TBC1D5: variants seen among roughly 807,000 people sequenced by gnomAD.
The protein encoded by TBC1D5 is TBC1 domain family member 5, also known as TBC1 domain family, member 5.
In TBC1D5, 75 loss-of-function variants were observed where a neutral mutation model predicts 100.3. That is an observed-to-expected ratio of 0.75 (90% CI 0.62 to 0.91). The LOEUF (loss-of-function observed/expected upper bound fraction) is 0.91, where lower values mean the gene tolerates loss of function less well. Ranked by LOEUF, TBC1D5 falls within the 40% of genes least tolerant of loss-of-function variation. The pLI is 0.00. For missense variants in TBC1D5, 910 were observed against 942.4 expected (o/e 0.97, Z 0.45); for synonymous variants, 323 against 325.6 (o/e 0.99, Z 0.09).
chr3:17,549,507 T>C (rs967661533), intron 2 of TBC1D5, among the ~76,000 whole-genome samples: 1 of 152,124 alleles, frequency 6.6e-6, no homozygotes, highest in African/African-American at 2.4e-5. Context: ...TGAATAAAAA[T>C]GGAGACATTA....
rs184710121 is a variant in TBC1D5 at position 17,400,348 on chromosome 3, T to C, written c.509+2833A>G. On this transcript the variant is annotated intron_variant, in intron 8 of 21. Coordinates refer to ENST00000253692, the Ensembl canonical transcript of TBC1D5. ...TGAAAATCATATATTTTAGATCATA[T>C]AGTACCTTATAAAGATGTAAACTAA... Among the ~76,000 whole-genome samples, 199 of 152,290 alleles carry C rather than the reference T, an allele frequency of 1.3e-3. 3 individuals are homozygous for C. The highest frequency in any genetic ancestry group is 6.2e-3 in the South Asian group (30 of 4,828).
chr3:17,244,355 G>A (rs2076551192), intron 16 of TBC1D5, among the ~76,000 whole-genome samples: 1 of 152,110 alleles, frequency 6.6e-6, no homozygotes, highest in Non-Finnish European at 1.5e-5. Context: ...CCAAATAAGA[G>A]GCTTGTATAC....
chr3:17,704,701 G>A (rs1262577111), intron 1 of TBC1D5, among the ~76,000 whole-genome samples: 1 of 55,288 alleles, frequency 1.8e-5, no homozygotes, highest in African/African-American at 6.1e-5. Flanking sequence ...GCGGGGGGCC[G>A]ACCCCCCCAC....
intron 16 of TBC1D5, 49 bp from the exon 17 acceptor site, chr3:17,238,468 C>A: frequency 1.9e-6 from 3 of 1,559,158 alleles, no homozygotes; most frequent in African/African-American, 1.4e-5. Flanking sequence ...GAGGATGATT[C>A]TATTTCACAT....
At chr3:17,283,052 C>T (rs1016501895) in intron 15 of TBC1D5, among the ~76,000 whole-genome samples, 1 of 152,236 alleles carries the variant, frequency 6.6e-6, no homozygotes, top group Non-Finnish European at 1.5e-5. Flanking sequence ...TCTACTTCCT[C>T]TGTTTTCTCA....
intron 12 of TBC1D5, among the ~76,000 whole-genome samples, chr3:17,373,396 T>C (rs2092562969): frequency 6.6e-6 from 1 of 152,158 alleles, no homozygotes; most frequent in Non-Finnish European, 1.5e-5. Flanking sequence ...ACAGTATCCA[T>C]TGCCAGAAGA....
At chr3:17,719,224 T>C (rs994431062) in intron 1 of TBC1D5, among the ~76,000 whole-genome samples, 1 of 152,186 alleles carries the variant, frequency 6.6e-6, no homozygotes, top group Non-Finnish European at 1.5e-5. Flanking sequence ...CTGGTCACCA[T>C]ACACACTGAC....
intron 2 of TBC1D5, among the ~76,000 whole-genome samples, chr3:17,585,204 T>C (rs1245766199): frequency 6.6e-6 from 1 of 152,198 alleles, no homozygotes; most frequent in Non-Finnish European, 1.5e-5. Flanking sequence ...ATTAAAAAGA[T>C]ACAAATGTTA....
chr3:17,509,808 C>T (rs1247820482), intron 2 of TBC1D5, among the ~76,000 whole-genome samples: 2 of 151,930 alleles, frequency 1.3e-5, no homozygotes, highest in Non-Finnish European at 2.9e-5. Context: ...TGGTGTTATA[C>T]TTACAAGTTT....
intron 2 of TBC1D5, among the ~76,000 whole-genome samples, chr3:17,600,747 T>G (rs932059641): frequency 2.0e-5 from 3 of 152,090 alleles, no homozygotes; most frequent in African/African-American, 7.2e-5. Context: ...CAGTAAAAGC[T>G]CTAAGTCAGT....
At chr3:17,218,060 C>A (rs1291467244) in intron 17 of TBC1D5, among the ~76,000 whole-genome samples, 1 of 152,022 alleles carries the variant, frequency 6.6e-6, no homozygotes, top group African/African-American at 2.4e-5. Flanking sequence ...CAAGTTCATT[C>A]TTTTGCATGT....
chr3:17,561,457 CAAAT>C (rs1249739299), intron 2 of TBC1D5, among the ~76,000 whole-genome samples: 3 of 151,844 alleles, frequency 2.0e-5, no homozygotes, highest in Non-Finnish European at 4.4e-5. Context: ...CAAAATAAAC[CAAAT>C]AAATTAGCAG....
At chr3:17,252,391 T>C (rs1165763936) in intron 16 of TBC1D5, among the ~76,000 whole-genome samples, 8 of 152,204 alleles carry the variant, frequency 5.3e-5, no homozygotes, top group Admixed American at 5.2e-4. Context: ...CGACAGAGCC[T>C]AAATAACTTC....
At chr3:17,655,348 C>T (rs1439129428) in intron 1 of TBC1D5, among the ~76,000 whole-genome samples, 1 of 151,062 alleles carries the variant, frequency 6.6e-6, no homozygotes, top group Non-Finnish European at 1.5e-5. Flanking sequence ...GGAGATATAC[C>T]TAATGCTAAA....
chr3:17,564,712 C>G (rs2096582905), intron 2 of TBC1D5, among the ~76,000 whole-genome samples: 1 of 152,114 alleles, frequency 6.6e-6, no homozygotes, highest in African/African-American at 2.4e-5. Flanking sequence ...AAATCCTCAC[C>G]TCTCTCTTAA....
At chr3:17,531,696 T>C (rs199866842) in intron 2 of TBC1D5, among the ~76,000 whole-genome samples, 4 of 152,216 alleles carry the variant, frequency 2.6e-5, no homozygotes, top group South Asian at 4.2e-4. Flanking sequence ...CTACAACTAT[T>C]TGATCTTTGA....
At chr3:17,612,547 T>G (rs957533713) in intron 2 of TBC1D5, among the ~76,000 whole-genome samples, 7 of 151,958 alleles carry the variant, frequency 4.6e-5, no homozygotes, top group Non-Finnish European at 1.0e-4. Context: ...GGAGAATACC[T>G]TGAACCCGGG....
At chr3:17,612,348 G>A (rs147220094) in intron 2 of TBC1D5, among the ~76,000 whole-genome samples, 460 of 151,094 alleles carry the variant, frequency 3.0e-3, no homozygotes, top group African/African-American at 0.011. Flanking sequence ...ATGAGTAGAG[G>A]CTAGGCGCGG....
At chr3:17,652,081 A>T (rs1047088443) in intron 1 of TBC1D5, among the ~76,000 whole-genome samples, 5 of 152,148 alleles carry the variant, frequency 3.3e-5, no homozygotes, top group South Asian at 4.1e-4. Context: ...AAAAAAGCCA[A>T]CTCATATTCC....
Sources: allele counts gnomAD v4.1 joint callset (sites outside exome capture counted in the v4.1 genomes callset), GRCh38; gene constraint gnomAD v4.1.1; transcripts MANE v1.5; gene names NCBI Gene and HGNC (gene_info 2026-07-23, HGNC 2026-07-21).